The following CEP128 variants were observed in gnomAD, a reference collection of about 807,000 sequenced individuals.
The protein encoded by CEP128 is centrosomal protein 128.
CEP128 carries 132 observed loss-of-function variants against 156.7 expected under a neutral mutation model. That is an observed-to-expected ratio of 0.84 (90% CI 0.73 to 0.97). CEP128 has a LOEUF of 0.97. CEP128 is among the 50% of genes least tolerant of loss of function. The pLI is 0.00. For missense variants in CEP128, 1,252 were observed against 1,281.9 expected, an observed-to-expected ratio of 0.98 and a Z score of 0.36; for synonymous variants, 469 against 448.9, an observed-to-expected ratio of 1.04 and a Z score of -0.57.
At chr14:80,769,773 T>C (rs1900424431) in intron 16 of CEP128, among the ~76,000 whole-genome samples, 1 of 152,200 alleles carries the variant, frequency 6.6e-6, no homozygotes, top group Admixed American at 6.5e-5. Context: ...TGATTATTGC[T>C]TGTTCAACAT....
intron 21 of CEP128, among the ~76,000 whole-genome samples, chr14:80,553,273 T>G (rs1462326810): frequency 1.3e-5 from 2 of 152,132 alleles, no homozygotes; most frequent in Non-Finnish European, 2.9e-5. Context: ...CCCTAGTGTG[T>G]GATGTTCGCT....
chr14:80,747,403 T>TA (rs984762778), intron 18 of CEP128, among the ~76,000 whole-genome samples: 1 of 152,148 alleles, frequency 6.6e-6, no homozygotes, highest in Non-Finnish European at 1.5e-5. Context: ...TATTTGGCCA[T>TA]AAAAAAGTGA....
At chr14:80,757,787 G>T (rs530442512) in intron 17 of CEP128, among the ~76,000 whole-genome samples, 153 of 152,240 alleles carry the variant, frequency 1.0e-3, no homozygotes, top group Non-Finnish European at 1.7e-3. Flanking sequence ...TTCTTTGTCA[G>T]GAATATCATT....
chr14:80,562,077 G>A (rs1054503363), intron 20 of CEP128, among the ~76,000 whole-genome samples: 3 of 138,430 alleles, frequency 2.2e-5, no homozygotes, highest in South Asian at 2.5e-4. Flanking sequence ...ACAGGTGCCC[G>A]CCACCACATC....
intron 19 of CEP128, among the ~76,000 whole-genome samples, chr14:80,595,120 C>G (rs1892256894): frequency 6.6e-6 from 1 of 152,160 alleles, no homozygotes; most frequent in Non-Finnish European, 1.5e-5. Flanking sequence ...GTGGCACATA[C>G]ACACATGGAA....
intron 8 of CEP128, among the ~76,000 whole-genome samples, chr14:80,870,693 G>A (rs528072378): frequency 7.9e-5 from 12 of 151,812 alleles, no homozygotes; most frequent in African/African-American, 1.2e-4. Flanking sequence ...AAAAAGCCAC[G>A]GATGCCCAGT....
chr14:80,519,474 G>C (rs1258216383), intron 23 of CEP128, among the ~76,000 whole-genome samples: 2 of 152,194 alleles, frequency 1.3e-5, no homozygotes, highest in Non-Finnish European at 2.9e-5. Context: ...CCCCTGGAGA[G>C]AAGGAACAAA....
intron 19 of CEP128, among the ~76,000 whole-genome samples, chr14:80,592,127 C>G (rs1408189680): frequency 6.6e-6 from 1 of 152,060 alleles, no homozygotes; most frequent in African/African-American, 2.4e-5. Context: ...AATTCAAAAG[C>G]TAGCAGAAGA....
intron 20 of CEP128, among the ~76,000 whole-genome samples, chr14:80,560,747 C>T (rs949595000): frequency 8.5e-5 from 13 of 152,102 alleles, no homozygotes; most frequent in Admixed American, 1.3e-4. Context: ...ATCTTTCTCC[C>T]GTGCTGGATG....
Position 80,612,198 on chromosome 14 carries a change from G to GT in CEP128, c.2807-31776dup, listed in dbSNP as rs370102165. On this transcript the variant is annotated intron_variant, in intron 19 of 24. Coordinates refer to ENST00000555265, the MANE Select transcript of CEP128 (RefSeq NM_152446.5). Reference sequence around the variant, plus strand: ...CCTTTTAATTATTCTGAAACATGGTGTTTTTTTGTCAAATATTCTTGATAG... The same window carrying GT: ...CCTTTTAATTATTCTGAAACATGGTGTTTTTTTTGTCAAATATTCTTGATAG... Among the ~76,000 whole-genome samples the GT allele has an allele frequency of 4.5e-4, 68 of 152,196 alleles. 1 individual carries two copies. The highest frequency in any genetic ancestry group is 1.6e-3 in the African/African-American group (66 of 41,548).
intron 2 of CEP128, among the ~76,000 whole-genome samples, chr14:80,952,521 A>G (rs1886488858): frequency 6.6e-6 from 1 of 152,138 alleles, no homozygotes; most frequent in East Asian, 1.9e-4. Context: ...GAAAGTCTAC[A>G]GCACTACACA....
At chr14:80,587,317 A>G (rs139515003) in intron 19 of CEP128, among the ~76,000 whole-genome samples, 2 of 152,286 alleles carry the variant, frequency 1.3e-5, no homozygotes, top group East Asian at 1.9e-4. Context: ...ACAACATTCA[A>G]AAAGTATGGC....
intron 6 of CEP128, among the ~76,000 whole-genome samples, chr14:80,900,902 G>A (rs1167237125): frequency 1.3e-5 from 2 of 152,312 alleles, no homozygotes; most frequent in Middle Eastern, 3.4e-3. Flanking sequence ...GGGAAAAGAT[G>A]GAGTATAAAA....
intron 19 of CEP128, among the ~76,000 whole-genome samples, chr14:80,701,766 T>C (rs1439422298): frequency 3.3e-5 from 5 of 152,192 alleles, no homozygotes; most frequent in Admixed American, 2.0e-4. Context: ...TTTGCCATCA[T>C]CTTTGACCCT....
chr14:80,655,155 C>G (rs1895075332), intron 19 of CEP128, among the ~76,000 whole-genome samples: 1 of 152,164 alleles, frequency 6.6e-6, no homozygotes, highest in South Asian at 2.1e-4. Context: ...TATCTAGACT[C>G]TGACTGTCAA....
intron 19 of CEP128, among the ~76,000 whole-genome samples, chr14:80,682,121 A>G (rs1271798503): frequency 6.6e-6 from 1 of 152,116 alleles, no homozygotes; most frequent in Admixed American, 6.6e-5. Context: ...ACAAAAAAAT[A>G]AAAAAGGAAA....
chr14:80,651,732 T>C (rs1010798272), intron 19 of CEP128, among the ~76,000 whole-genome samples: 2 of 152,134 alleles, frequency 1.3e-5, no homozygotes, highest in Non-Finnish European at 2.9e-5. Flanking sequence ...TTGTTTTGAG[T>C]GAGTTTCTTA....
At chr14:80,947,321 T>G (rs1207603797) in intron 2 of CEP128, among the ~76,000 whole-genome samples, 1 of 152,052 alleles carries the variant, frequency 6.6e-6, no homozygotes, top group Non-Finnish European at 1.5e-5. Flanking sequence ...CTCATGGCCT[T>G]AGAGATGGGG....
intron 21 of CEP128, among the ~76,000 whole-genome samples, chr14:80,543,413 G>A (rs1182675757): frequency 3.3e-5 from 5 of 152,174 alleles, no homozygotes; most frequent in African/African-American, 1.2e-4. Context: ...AATATATTTT[G>A]ACAAACAATT....
Sources: gnomAD v4.1 joint callset for allele counts (sites outside exome capture counted in the v4.1 genomes callset) on GRCh38, gnomAD v4.1.1 for gene constraint, MANE v1.5 for transcripts, NCBI Gene and HGNC (gene_info 2026-07-23, HGNC 2026-07-21) for gene names.